XRCC5: variants seen among roughly 807,000 people sequenced by gnomAD.
XRCC5 encodes the protein X-ray repair cross complementing 5.
XRCC5 carries 12 observed loss-of-function variants against 95.7 expected under a neutral mutation model. The observed-to-expected ratio is 0.13, with a 90% CI of 0.08 to 0.20. XRCC5 has a LOEUF of 0.20. XRCC5 is among the 10% of genes least tolerant of loss of function. The pLI is 1.00. For missense variants in XRCC5, 595 were observed against 873.9 expected (o/e 0.68, Z 4.02); for synonymous variants, 281 against 290.3 (o/e 0.97, Z 0.33).
chr2:216,199,728 C>T (rs1433456487), intron 19 of XRCC5, among the ~76,000 whole-genome samples: 1 of 150,454 alleles, frequency 6.6e-6, no homozygotes, highest in Non-Finnish European at 1.5e-5. Flanking sequence ...GAATCTAGTT[C>T]TAGCACTGCC....
At chr2:216,157,185 C>T (rs1248508608) in intron 14 of XRCC5, among the ~76,000 whole-genome samples, 1 of 152,026 alleles carries the variant, frequency 6.6e-6, no homozygotes, top group Non-Finnish European at 1.5e-5. Flanking sequence ...CCAGCTTTTG[C>T]ACCTTATGCT....
At chr2:216,168,840 A>G (rs926442883) in intron 16 of XRCC5, among the ~76,000 whole-genome samples, 2 of 152,250 alleles carry the variant, frequency 1.3e-5, no homozygotes, top group African/African-American at 4.8e-5. Context: ...TCCCCATTCT[A>G]CTGATAGATA....
chr2:216,172,423 A>G (rs1311757375), intron 16 of XRCC5, among the ~76,000 whole-genome samples: 1 of 143,994 alleles, frequency 6.9e-6, no homozygotes, highest in Non-Finnish European at 1.5e-5. Context: ...TAACTACTCT[A>G]TGTCATTTGC....
At chr2:216,158,083 T>C (rs1434145595) in intron 14 of XRCC5, among the ~76,000 whole-genome samples, 1 of 152,230 alleles carries the variant, frequency 6.6e-6, no homozygotes, top group Non-Finnish European at 1.5e-5. Context: ...TGTGTCTGTT[T>C]ACCCTTCTTT....
chr2:216,161,682 G>C (rs749478429), intron 15 of XRCC5, among the ~76,000 whole-genome samples: 1 of 152,212 alleles, frequency 6.6e-6, no homozygotes. Flanking sequence ...GCTACACAAA[G>C]CCTTCCAGCT....
chr2:216,170,621 T>G (rs1264579732), intron 16 of XRCC5, among the ~76,000 whole-genome samples: 1 of 152,166 alleles, frequency 6.6e-6, no homozygotes, highest in Non-Finnish European at 1.5e-5. Context: ...TAATTTGATA[T>G]GAGATTTGGG....
chr2:216,163,065 A>G (rs1688983616), intron 16 of XRCC5, among the ~76,000 whole-genome samples: 1 of 152,004 alleles, frequency 6.6e-6, no homozygotes, highest in African/African-American at 2.4e-5. Flanking sequence ...ACTTCTACGT[A>G]TGTGAGTGTT....
intron 6 of XRCC5, 128 bp from the exon 7 acceptor site, chr2:216,125,789 A>G: frequency 1.4e-6 from 1 of 712,470 alleles, no homozygotes; most frequent in Non-Finnish European, 2.3e-6. Context: ...TTTTCCGGCC[A>G]TCTCCTGCTG....
At chr2:216,168,485 T>A (rs913778772) in intron 16 of XRCC5, among the ~76,000 whole-genome samples, 7 of 152,232 alleles carry the variant, frequency 4.6e-5, no homozygotes, top group Non-Finnish European at 1.0e-4. Context: ...TCATTTTAAG[T>A]ATTTTCATTT....
At chr2:216,190,085 C>T (rs1450874289) in intron 16 of XRCC5, 140 bp from the exon 17 acceptor site, 2 of 565,370 alleles carry the variant, frequency 3.5e-6, no homozygotes, top group African/African-American at 1.9e-5. Context: ...CTCATCTCTC[C>T]CCTAAAAGAA....
At chr2:216,181,091 G>T (rs1416118111) in intron 16 of XRCC5, among the ~76,000 whole-genome samples, 1 of 152,054 alleles carries the variant, frequency 6.6e-6, no homozygotes, top group Non-Finnish European at 1.5e-5. Context: ...GGGAATACAG[G>T]CACGAACCAC....
intron 16 of XRCC5, among the ~76,000 whole-genome samples, chr2:216,187,821 A>ACACACACACACACC (rs1312215177): frequency 1.0e-4 from 5 of 47,950 alleles, no homozygotes; most frequent in African/African-American, 3.0e-4. Flanking sequence ...ACACACACAC[A>ACACACACACACACC]CTCTCTCTCT....
intron 5 of XRCC5, among the ~76,000 whole-genome samples, chr2:216,119,958 G>A (rs1189728618): frequency 6.6e-5 from 10 of 152,176 alleles, no homozygotes; most frequent in Admixed American, 2.0e-4. Flanking sequence ...GGGAATACTC[G>A]TTTTTCAAAT....
At chr2:216,136,356 C>CAAA (rs767749732) in intron 10 of XRCC5, among the ~76,000 whole-genome samples, 1 of 34,144 alleles carries the variant, frequency 2.9e-5, no homozygotes, top group Non-Finnish European at 5.5e-5. Flanking sequence ...AACTGTGTCT[C>CAAA]AAAAAAAAAA....
chr2:216,165,995 G>A (rs1416397386), intron 16 of XRCC5, among the ~76,000 whole-genome samples: 1 of 152,150 alleles, frequency 6.6e-6, no homozygotes, highest in East Asian at 1.9e-4. Flanking sequence ...GCAGAGAGGA[G>A]ATAACCAATG....
chr2:216,141,617 A>G (rs1043728927), intron 13 of XRCC5, among the ~76,000 whole-genome samples: 6 of 129,048 alleles, frequency 4.6e-5, no homozygotes, highest in Admixed American at 1.0e-4. Context: ...CCAGTTGCCT[A>G]TGCTGGAGTG....
intron 15 of XRCC5, among the ~76,000 whole-genome samples, chr2:216,161,665 A>T (rs1296478732): frequency 6.6e-6 from 1 of 152,228 alleles, no homozygotes; most frequent in African/African-American, 2.4e-5. Context: ...ATATACAGGC[A>T]GTCTGTGCTA....
chr2:216,194,798 C>T lies in XRCC5; in HGVS notation c.2042-121C>T, dbSNP rs1689684475. 10 of 921,446 alleles carry T rather than the reference C, an allele frequency of 1.1e-5. No individual in the cohort carries two copies. The Admixed American group carries it at 1.2e-4, about 11-fold the overall frequency. 57.1% of individuals were successfully genotyped at this position (921,446 alleles called of 1,614,324 possible). On this transcript the variant is annotated intron_variant, in intron 18 of 20. Transcript: ENST00000392132. The stretch of plus-strand genomic sequence containing the variant: ...CCAGCCTGGGCAACATAGTGGGACC[C>T]TGTCTCTATTTAAAAAAAAGAAATC...
At chr2:216,158,055 G>A (rs773639965) in intron 14 of XRCC5, among the ~76,000 whole-genome samples, 1 of 152,154 alleles carries the variant, frequency 6.6e-6, no homozygotes, top group African/African-American at 2.4e-5. Flanking sequence ...TACTTGCCTG[G>A]TACGGGAAAA....
Sources: allele counts gnomAD v4.1 joint callset (sites outside exome capture counted in the v4.1 genomes callset), GRCh38; gene constraint gnomAD v4.1.1; transcripts MANE v1.5; gene names NCBI Gene and HGNC (gene_info 2026-07-23, HGNC 2026-07-21).